NUP210L: variants seen among roughly 807,000 people sequenced by gnomAD.
NUP210L encodes the protein nuclear pore membrane glycoprotein 210-like.
In NUP210L, 74 loss-of-function variants were observed where a neutral mutation model predicts 208.5. The ratio of observed to expected loss-of-function variants is 0.35; its 90% CI spans 0.29 to 0.43. The LOEUF is 0.43. Ranked by LOEUF, NUP210L falls within the 20% of genes least tolerant of loss-of-function variation. The pLI, the probability that NUP210L is intolerant of heterozygous loss-of-function variation, is 1.00. For synonymous variants in NUP210L, 780 were observed against 816.9 expected (o/e 0.95, Z 0.77); for missense variants, 1,843 against 2,289.4 (o/e 0.81, Z 3.98).
intron 23 of NUP210L, among the ~76,000 whole-genome samples, chr1:154,055,175 CTTTCT>C (rs1025027756): frequency 2.5e-5 from 2 of 81,528 alleles, no homozygotes; most frequent in African/African-American, 8.0e-5. Context: ...TTCTTTCTTT[CTTTCT>C]TTCTTTCTTT....
At chr1:154,099,266 G>A (rs532967083) in intron 14 of NUP210L, among the ~76,000 whole-genome samples, 1 of 152,064 alleles carries the variant, frequency 6.6e-6, no homozygotes, top group Non-Finnish European at 1.5e-5. Flanking sequence ...CAGGAGGCCT[G>A]GGTCCGCAGT....
intron 2 of NUP210L, among the ~76,000 whole-genome samples, chr1:154,151,958 A>G (rs914028576): frequency 1.3e-5 from 2 of 150,912 alleles, no homozygotes; most frequent in African/African-American, 4.9e-5. Flanking sequence ...GTGTGGTGGC[A>G]GTGCGCCTGT....
chr1:154,023,485 CT>C (rs1036407267), intron 30 of NUP210L, among the ~76,000 whole-genome samples, 188 bp from the exon 31 acceptor site: 4 of 149,144 alleles, frequency 2.7e-5, no homozygotes, highest in Non-Finnish European at 3.0e-5. Flanking sequence ...AAATTCTTTT[CT>C]TTTTTTTTTG....
At chr1:154,004,634 T>C (rs1650404913) in intron 35 of NUP210L, among the ~76,000 whole-genome samples, 2 of 151,532 alleles carry the variant, frequency 1.3e-5, no homozygotes, top group African/African-American at 4.8e-5. Context: ...GGGATTACCA[T>C]GCCCTGCCGT....
intron 33 of NUP210L, among the ~76,000 whole-genome samples, 191 bp from the exon 34 acceptor site, chr1:154,012,561 T>A (rs190132930): frequency 9.3e-4 from 141 of 151,402 alleles, no homozygotes; most frequent in African/African-American, 2.4e-3. Context: ...TTTTTTTTTT[T>A]AATCAGGGTC....
intron 10 of NUP210L, among the ~76,000 whole-genome samples, chr1:154,120,223 C>A (rs1657543822): frequency 6.6e-6 from 1 of 152,074 alleles, no homozygotes; most frequent in African/African-American, 2.4e-5. Flanking sequence ...CATCCTTCAC[C>A]CACTTTTTGA....
At chr1:153,995,924 G>A (rs1649829943) in intron 37 of NUP210L, 4 of 519,890 alleles carry the variant, frequency 7.7e-6, no homozygotes, top group Non-Finnish European at 1.5e-5. Flanking sequence ...AAATTGTTGT[G>A]AAAGTGTCGA....
chr1:154,047,955 A>G (rs1653280876), intron 25 of NUP210L, among the ~76,000 whole-genome samples: 1 of 152,170 alleles, frequency 6.6e-6, no homozygotes, highest in Non-Finnish European at 1.5e-5. Flanking sequence ...ACTCTTAAGC[A>G]ATCCCTGTGG....
chr1:154,029,375 CAAAAAAAAAAAA>C lies in NUP210L; in HGVS notation c.3855+509_3855+520del, dbSNP rs57790370. ...CCTGGGCAACAGAGCAAGACTGTCT[CAAAAAAAAAAAA>C]AAAAAAAAAAAAAACCACAAAAAAA... is the stretch of plus-strand genomic sequence containing the variant. On this transcript the variant is annotated intron_variant, in intron 28 of 39. Transcript: ENST00000368559. 1.8e-4 allele frequency among the ~76,000 whole-genome samples: 8 copies of C among 44,084 alleles called. No individual in the cohort carries two copies. The East Asian group carries it at 5.0e-3, about 28-fold the overall frequency. 28.9% of individuals were successfully genotyped at this position (44,084 alleles called of 152,430 possible). A position where few individuals can be genotyped will look rare whatever the true frequency, so the allele number is the denominator to read the frequency against.
At chr1:154,029,808 A>C in intron 28 of NUP210L, 88 bp downstream of exon 28, 1 of 1,030,086 alleles carries the variant, frequency 9.7e-7, no homozygotes, top group Non-Finnish European at 1.5e-6. Context: ...ATCTGTCTCT[A>C]TCCAGACTAA....
At chr1:154,061,698 C>T (rs761434659) in intron 17 of NUP210L, 24 bp from the exon 18 acceptor site, 2 of 1,361,446 alleles carry the variant, frequency 1.5e-6, no homozygotes, top group Admixed American at 3.6e-5. Flanking sequence ...GAAAAATACC[C>T]TGTGAGAAAC....
intron 5 of NUP210L, 59 bp from the exon 6 acceptor site, chr1:154,138,297 C>A: frequency 6.9e-7 from 1 of 1,440,196 alleles, no homozygotes; most frequent in South Asian, 1.4e-5. Context: ...CCCTCACAGT[C>A]ATCTTTCTTG....
intron 34 of NUP210L, 69 bp downstream of exon 34, chr1:154,012,175 G>A: frequency 2.7e-6 from 4 of 1,495,502 alleles, no homozygotes; most frequent in South Asian, 2.4e-5. Flanking sequence ...CTAATCCAAA[G>A]GGATAAATGA....
chr1:154,155,061 C>A, exon 1 of NUP210L: 1 of 1,574,564 alleles, frequency 6.4e-7, no homozygotes, highest in South Asian at 1.1e-5. Flanking sequence ...TGCCAGGTCT[C>A]GGGTTCCCGC....
rs34638973 is a variant in NUP210L, at chr1:154,004,854, C to CTT, written c.4931-2871_4931-2870dup. ...TTTCTTTTCTTTTCTTTCTTTCTTT[C>CTT]TTTTTTTTTTTTTTTTTGAGATGGA... is the stretch of plus-strand genomic sequence containing the variant. On this transcript the variant is annotated intron_variant, in intron 35 of 39. Coordinates refer to ENST00000368559, the Ensembl canonical transcript of NUP210L. Among the ~76,000 whole-genome samples, 404 of 114,206 alleles carry CTT rather than the reference C, an allele frequency of 3.5e-3. 4 individuals are homozygous for CTT. Among genetic ancestry groups the CTT allele is most frequent in the East Asian group, 6.6e-3 (23 of 3,504 alleles). The allele number at this position is 114,206 out of a possible 152,430, so 74.9% of individuals were successfully genotyped here. A position where few individuals can be genotyped will look rare whatever the true frequency, so the allele number is the denominator to read the frequency against.
At chr1:154,047,678 C>T (rs1279059047) in intron 25 of NUP210L, among the ~76,000 whole-genome samples, 1 of 152,200 alleles carries the variant, frequency 6.6e-6, no homozygotes, top group African/African-American at 2.4e-5. Flanking sequence ...AGAACCAATG[C>T]TTATCACTGG....
rs1654109355 is a variant in NUP210L, at chr1:154,061,058, A to G, written c.2644-12T>C. The G allele has an allele frequency of 1.9e-6, 3 of 1,564,178 alleles. No homozygotes were observed. The highest frequency in any genetic ancestry group is 1.1e-5 in the South Asian group (1 of 89,946). On this transcript the variant is annotated splice_polypyrimidine_tract_variant and intron_variant, in intron 18 of 39. Transcript: ENST00000368559. Reference sequence around the variant, plus strand: ...AAGTTGGAAATTTCCTAGAAATATAATAAGAACCACAAAAGTGAATATAAA... The same window carrying G: ...AAGTTGGAAATTTCCTAGAAATATAGTAAGAACCACAAAAGTGAATATAAA...
At position 154,151,879 on chromosome 1, in the gene NUP210L, G is replaced by A. The variant is rs1228103354; in HGVS notation, c.340+857C>T. On this transcript the variant is annotated intron_variant, in intron 2 of 39. Transcript: ENST00000368559. ...TGAGGCAGGTAGATCACCTGAGGTC[G>A]GGAGTTTGAGACCAGCCTGACCAAC... Among the ~76,000 whole-genome samples the A allele has an allele frequency of 4.0e-5, 6 of 151,578 alleles. No individual in the cohort carries two copies. The South Asian group carries it at 6.3e-4, about 16-fold the overall frequency.
intron 10 of NUP210L, 105 bp from the exon 11 acceptor site, chr1:154,118,913 C>G: frequency 1.8e-6 from 1 of 561,318 alleles, no homozygotes; most frequent in Non-Finnish European, 3.0e-6. Flanking sequence ...TCATAAATTA[C>G]TCAACCAGTT....
Sources: allele counts gnomAD v4.1 joint callset (sites outside exome capture counted in the v4.1 genomes callset), GRCh38; gene constraint gnomAD v4.1.1; transcripts MANE v1.5; gene names NCBI Gene and HGNC (gene_info 2026-07-23, HGNC 2026-07-21).